Variants in SNX13 observed in about 807,000 individuals in gnomAD.
SNX13 encodes sorting nexin 13, also known as sorting nexin-13.
In SNX13, 45 loss-of-function variants were observed where a neutral mutation model predicts 133.6. The observed-to-expected ratio is 0.34, with a 90% CI of 0.27 to 0.43. The LOEUF (loss-of-function observed/expected upper bound fraction) is 0.43. Ranked by LOEUF, SNX13 falls within the 20% of genes least tolerant of loss-of-function variation. The pLI is 1.00. For missense variants in SNX13, 1,032 were observed against 1,145.1 expected (o/e 0.90, Z 1.43); for synonymous variants, 414 against 373.9 (o/e 1.11, Z -1.24).
In SNX13 at chr7:17,793,912, G is replaced by T; in HGVS notation, c.*133C>A. On this transcript the variant is annotated 3_prime_UTR_variant, in exon 26 of 26. Transcript: ENST00000428135. ...AGAATGAGAAGAACCACAGACTTAT[G>T]GATGTATTAATAATCTATTTTGAGA... is the stretch of plus-strand genomic sequence containing the variant. The T allele has an allele frequency of 1.1e-6, 1 of 910,974 alleles. No homozygotes were observed. The highest frequency in any genetic ancestry group is 1.6e-6 in the Non-Finnish European group (1 of 614,110). 56.4% of individuals were successfully genotyped at this position (910,974 alleles called of 1,614,324 possible).
chr7:17,834,838 A>G lies in SNX13; in HGVS notation c.1387T>C (p.Tyr463His). ...GTATCTGCTAATTTTGCTACTAAAT[A>G]GTCATCAACAGTAACTCTTGGAGAT... ...KASPRVTVDD[Y>H]LVAKLADTLN... Residue 463 changes from tyrosine to histidine, a missense_variant, in exon 14 of 26, where the codon TAT (tyrosine) becomes CAT (histidine). Transcript: ENST00000428135. The G allele has an allele frequency of 1.2e-6, 2 of 1,608,438 alleles. No homozygotes were observed. The highest frequency in any genetic ancestry group is 1.1e-5 in the South Asian group (1 of 90,730).
intron 25 of SNX13, chr7:17,795,035 C>T (rs570463538): frequency 1.3e-5 from 2 of 151,556 alleles, no homozygotes; most frequent in East Asian, 3.9e-4. Context: ...GTGAAAAGAA[C>T]ATGAATGAGC....
chr7:17,836,430 T>C (rs183926672), intron 13 of SNX13, among the ~76,000 whole-genome samples: 239 of 152,152 alleles, frequency 1.6e-3, no homozygotes, highest in African/African-American at 5.3e-3. Context: ...GTCAAGAGAA[T>C]TGCCTGAACC....
chr7:17,930,421 T>C (rs1801268989), intron 1 of SNX13, among the ~76,000 whole-genome samples: 1 of 152,162 alleles, frequency 6.6e-6, no homozygotes, highest in Non-Finnish European at 1.5e-5. Context: ...AGAGGAGATA[T>C]ATATACATAT....
intron 5 of SNX13, chr7:17,879,510 G>C (rs980158013): frequency 6.6e-6 from 1 of 152,190 alleles, no homozygotes; most frequent in African/African-American, 2.4e-5. Context: ...TTTGGACAAT[G>C]GCAACAGGAG....
At chr7:17,909,992 G>A (rs992069738) in intron 1 of SNX13, among the ~76,000 whole-genome samples, 7 of 152,052 alleles carry the variant, frequency 4.6e-5, no homozygotes, top group South Asian at 4.2e-4. Context: ...ACAGCAATAC[G>A]ATGGCCTCAA....
chr7:17,895,185 GAC>G (rs1797070824), intron 2 of SNX13, among the ~76,000 whole-genome samples: 1 of 152,118 alleles, frequency 6.6e-6, no homozygotes, highest in South Asian at 2.1e-4. Context: ...ACGATAGGAA[GAC>G]AAGATAAAGA....
chr7:17,929,642 G>C (rs1381130729), intron 1 of SNX13, among the ~76,000 whole-genome samples: 1 of 152,142 alleles, frequency 6.6e-6, no homozygotes, highest in Non-Finnish European at 1.5e-5. Flanking sequence ...AAGAACCATA[G>C]TACTTCTCAT....
intron 12 of SNX13, among the ~76,000 whole-genome samples, chr7:17,843,460 AAG>A (rs1347450550): frequency 3.9e-5 from 6 of 152,072 alleles, no homozygotes; most frequent in Non-Finnish European, 8.8e-5. Flanking sequence ...TGAAGGGAAA[AAG>A]AGACAGTGCC....
chr7:17,849,387 T>G (rs775224735), intron 11 of SNX13, among the ~76,000 whole-genome samples: 4 of 152,204 alleles, frequency 2.6e-5, no homozygotes, highest in Non-Finnish European at 5.9e-5. Context: ...ACATCTCTTA[T>G]CTAGTTTTAA....
intron 24 of SNX13, among the ~76,000 whole-genome samples, chr7:17,797,854 G>C (rs923714014): frequency 2.6e-5 from 4 of 151,798 alleles, no homozygotes; most frequent in African/African-American, 7.2e-5. Context: ...CTTCAGATTA[G>C]AGAAACCAGA....
chr7:17,805,250 T>TGTGTGTGTGTGTGTGTGTGTGTGTGCGC, intron 20 of SNX13, among the ~76,000 whole-genome samples: 25 of 95,590 alleles, frequency 2.6e-4, no homozygotes, highest in African/African-American at 6.3e-4. Context: ...TGTGTGTGTG[T>TGTGTGTGTGTGTGTGTGTGTGTGTGCGC]GCGTGCGCGC....
At chr7:17,890,241 G>A in intron 5 of SNX13, 122 bp downstream of exon 5, 1 of 871,222 alleles carries the variant, frequency 1.1e-6, no homozygotes, top group Non-Finnish European at 1.6e-6. Context: ...TTATCCCACA[G>A]TAATAATCTG....
intron 20 of SNX13, among the ~76,000 whole-genome samples, chr7:17,812,751 C>T (rs1465494979): frequency 6.6e-6 from 1 of 152,080 alleles, no homozygotes; most frequent in Admixed American, 6.5e-5. Context: ...AACTCAAATG[C>T]CCATTGATGA....
rs192150143 is a variant in SNX13 at position 17,793,051 on chromosome 7, T to C, written c.*994A>G. On this transcript the variant is annotated 3_prime_UTR_variant, in exon 26 of 26. Coordinates refer to ENST00000428135, the MANE Select transcript of SNX13 (RefSeq NM_015132.5). Reference sequence around the variant, plus strand: ...TAGAATTAGGAATCTGTATGTTTACTATGACTAATAAGCTCATTAATCATT... The same window carrying C: ...TAGAATTAGGAATCTGTATGTTTACCATGACTAATAAGCTCATTAATCATT... The C allele has an allele frequency of 2.0e-3, 311 of 152,412 alleles. 1 individual carries two copies. The highest frequency in any genetic ancestry group is 6.5e-3 in the African/African-American group (272 of 41,546). 9.4% of individuals were successfully genotyped at this position (152,412 alleles called of 1,614,324 possible).
chr7:17,936,302 G>C (rs1292665884), intron 1 of SNX13, among the ~76,000 whole-genome samples: 3 of 152,168 alleles, frequency 2.0e-5, no homozygotes, highest in African/African-American at 7.2e-5. Context: ...TTCTCAAAGT[G>C]CTGCATTTTT....
At chr7:17,907,995 T>C (rs1229610418) in intron 1 of SNX13, among the ~76,000 whole-genome samples, 1 of 152,196 alleles carries the variant, frequency 6.6e-6, no homozygotes, top group Non-Finnish European at 1.5e-5. Flanking sequence ...GAAACTTATA[T>C]TCAACTACAC....
At chr7:17,822,170 A>G (rs2128303140) in intron 17 of SNX13, among the ~76,000 whole-genome samples, 1 of 152,166 alleles carries the variant, frequency 6.6e-6, no homozygotes, top group African/African-American at 2.4e-5. Context: ...TGATACGTTC[A>G]GTAGTTCACA....
chr7:17,933,292 C>A (rs1801616516), intron 1 of SNX13, among the ~76,000 whole-genome samples: 2 of 152,096 alleles, frequency 1.3e-5, no homozygotes, highest in Admixed American at 1.3e-4. Context: ...GCCTGTAATC[C>A]CAGCACTTTG....
Sources: gnomAD v4.1 joint callset for allele counts (sites outside exome capture counted in the v4.1 genomes callset) on GRCh38, gnomAD v4.1.1 for gene constraint, MANE v1.5 for transcripts, NCBI Gene and HGNC (gene_info 2026-07-23, HGNC 2026-07-21) for gene names.